PLGRKT: variants seen among roughly 807,000 people sequenced by gnomAD.
PLGRKT encodes plasminogen receptor (KT).
In PLGRKT, 22 loss-of-function variants were observed where a neutral mutation model predicts 18.5. The ratio of observed to expected loss-of-function variants is 1.19; its 90% CI spans 0.85 to 1.70. The LOEUF (loss-of-function observed/expected upper bound fraction) is 1.70. PLGRKT is among the 40% of genes most tolerant of loss of function. PLGRKT has a pLI of 0.00. For synonymous variants in PLGRKT, 72 were observed against 52.8 expected, an observed-to-expected ratio of 1.36 and a Z score of -1.58; for missense variants, 235 against 174.4, an observed-to-expected ratio of 1.35 and a Z score of -1.96.
intron 3 of PLGRKT, among the ~76,000 whole-genome samples, chr9:5,412,492 ATAAAACCAAGCTTT>A (rs1474480973): frequency 1.3e-5 from 2 of 152,236 alleles, no homozygotes; most frequent in African/African-American, 4.8e-5. Flanking sequence ...TGGCTTTGTT[ATAAAACCAAGCTTT>A]CTTGGGCTTG....
At chr9:5,360,536 G>C (rs1253579639) in intron 5 of PLGRKT, among the ~76,000 whole-genome samples, 1 of 152,146 alleles carries the variant, frequency 6.6e-6, no homozygotes, top group East Asian at 1.9e-4. Flanking sequence ...AACAAAATAA[G>C]AAGTCAAGCC....
At chr9:5,359,512 A>G (rs1166867735) in intron 5 of PLGRKT, among the ~76,000 whole-genome samples, 1 of 152,212 alleles carries the variant, frequency 6.6e-6, no homozygotes. Context: ...TAGGTTGGCC[A>G]TTGATGACAG....
chr9:5,399,191 T>A lies in PLGRKT; in HGVS notation c.81+32706A>T, dbSNP rs532923257. ...CTGGCTGCTTCCTGGAGTCTCATAT[T>A]TTGGTGGGACTCCTGTGCATATGTG... On this transcript the variant is annotated intron_variant, in intron 3 of 5. Transcript: ENST00000223864. Among the ~76,000 whole-genome samples, 6 of 152,022 alleles carry A rather than the reference T, an allele frequency of 3.9e-5. No individual in the cohort carries two copies. The South Asian group carries it at 1.2e-3, about 31-fold the overall frequency.
At chr9:5,410,821 T>C (rs1818348555) in intron 3 of PLGRKT, among the ~76,000 whole-genome samples, 1 of 152,172 alleles carries the variant, frequency 6.6e-6, no homozygotes, top group Non-Finnish European at 1.5e-5. Flanking sequence ...AATAAGCGTT[T>C]ACAAATGAAC....
intron 3 of PLGRKT, among the ~76,000 whole-genome samples, chr9:5,376,127 T>C (rs971352483): frequency 2.6e-5 from 4 of 152,172 alleles, no homozygotes; most frequent in Admixed American, 6.5e-5. Flanking sequence ...ATTCCACTTA[T>C]ACCTAGAGTA....
chr9:5,380,915 T>TC (rs963815900), intron 3 of PLGRKT, among the ~76,000 whole-genome samples: 3 of 152,062 alleles, frequency 2.0e-5, no homozygotes, highest in Non-Finnish European at 2.9e-5. Context: ...GGTGGGTGGT[T>TC]CCCCCCATGC....
intron 3 of PLGRKT, among the ~76,000 whole-genome samples, chr9:5,427,327 G>A (rs1818722041): frequency 6.6e-6 from 1 of 151,966 alleles, no homozygotes; most frequent in Non-Finnish European, 1.5e-5. Flanking sequence ...TAGCCCCAAA[G>A]TAGAAGAGTA....
chr9:5,369,555 C>T (rs1350158536), intron 3 of PLGRKT, among the ~76,000 whole-genome samples: 1 of 152,086 alleles, frequency 6.6e-6, no homozygotes, highest in African/African-American at 2.4e-5. Flanking sequence ...GGATTTAGAA[C>T]CAGAAATACC....
intron 1 of PLGRKT, chr9:5,437,580 A>G (rs1818985117): frequency 6.6e-6 from 1 of 152,284 alleles, no homozygotes; most frequent in Non-Finnish European, 1.5e-5. Flanking sequence ...AGAGATCCGG[A>G]GTCCACGCCA....
At chr9:5,435,207 G>T (rs1056321592) in intron 2 of PLGRKT, among the ~76,000 whole-genome samples, 4 of 151,618 alleles carry the variant, frequency 2.6e-5, no homozygotes, top group African/African-American at 7.3e-5. Flanking sequence ...CTCTGCCTAG[G>T]AAAACCAGAG....
chr9:5,359,714 T>TA (rs1404533084), intron 5 of PLGRKT, among the ~76,000 whole-genome samples: 1 of 152,036 alleles, frequency 6.6e-6, no homozygotes, highest in Non-Finnish European at 1.5e-5. Context: ...GACTTTTTTT[T>TA]AAACAGGAAA....
intron 3 of PLGRKT, among the ~76,000 whole-genome samples, chr9:5,376,299 G>C (rs1469772994): frequency 6.6e-6 from 1 of 152,170 alleles, no homozygotes; most frequent in Non-Finnish European, 1.5e-5. Context: ...GGCAGCACAA[G>C]GGAGAGGCGC....
At chr9:5,373,081 T>C (rs1037263574) in intron 3 of PLGRKT, among the ~76,000 whole-genome samples, 2 of 152,194 alleles carry the variant, frequency 1.3e-5, no homozygotes, top group African/African-American at 4.8e-5. Flanking sequence ...CTCAAAATCC[T>C]TCACCTTTCT....
chr9:5,384,903 T>A (rs1817812540), intron 3 of PLGRKT, among the ~76,000 whole-genome samples: 1 of 152,170 alleles, frequency 6.6e-6, no homozygotes, highest in African/African-American at 2.4e-5. Flanking sequence ...AATTAAAATA[T>A]AATAATTTTG....
chr9:5,403,178 T>C (rs1818187833), intron 3 of PLGRKT, among the ~76,000 whole-genome samples: 1 of 151,832 alleles, frequency 6.6e-6, no homozygotes, highest in Non-Finnish European at 1.5e-5. Context: ...AGGTGCTTTG[T>C]TATACAGCGA....
chr9:5,379,500 ATGTG>A (rs571436859), intron 3 of PLGRKT, among the ~76,000 whole-genome samples: 4 of 151,086 alleles, frequency 2.6e-5, no homozygotes, highest in Admixed American at 6.6e-5. Flanking sequence ...GTGAGTGGAT[ATGTG>A]TGTGTGTGTG....
intron 3 of PLGRKT, among the ~76,000 whole-genome samples, chr9:5,402,376 G>A (rs1431501674): frequency 6.6e-6 from 1 of 151,874 alleles, no homozygotes; most frequent in South Asian, 2.1e-4. Context: ...GGCTAGAAGG[G>A]GAAGGGGAAG....
At chr9:5,425,503 T>C (rs140156874) in intron 3 of PLGRKT, among the ~76,000 whole-genome samples, 1,593 of 152,334 alleles carry the variant, frequency 0.01, 26 homozygotes, top group African/African-American at 0.037. Flanking sequence ...TTACTATTAA[T>C]TGAAAACTTG....
At chr9:5,393,700 G>A (rs1297500337) in intron 3 of PLGRKT, among the ~76,000 whole-genome samples, 1 of 151,508 alleles carries the variant, frequency 6.6e-6, no homozygotes, top group Non-Finnish European at 1.5e-5. Flanking sequence ...TTTTTGCTGA[G>A]GTTTCTATTT....
Sources: gnomAD v4.1 joint callset for allele counts (sites outside exome capture counted in the v4.1 genomes callset) on GRCh38, gnomAD v4.1.1 for gene constraint, MANE v1.5 for transcripts, NCBI Gene and HGNC (gene_info 2026-07-23, HGNC 2026-07-21) for gene names.